RBPMS: variants seen among roughly 807,000 people sequenced by gnomAD.
RBPMS encodes RNA binding protein, mRNA processing factor.
RBPMS carries 7 observed loss-of-function variants against 26.8 expected under a neutral mutation model. The ratio of observed to expected loss-of-function variants is 0.26; its 90% CI spans 0.15 to 0.49. The LOEUF (loss-of-function observed/expected upper bound fraction) is 0.49, where lower values mean the gene tolerates loss of function less well. RBPMS is among the 20% of genes least tolerant of loss of function. The pLI is 0.98. For synonymous variants in RBPMS, 96 were observed against 93.3 expected (o/e 1.03, Z -0.17); for missense variants, 186 against 250.0 (o/e 0.74, Z 1.73).
intron 1 of RBPMS, among the ~76,000 whole-genome samples, chr8:30,421,987 T>G (rs1182557597): frequency 6.6e-6 from 1 of 151,738 alleles, no homozygotes; most frequent in Non-Finnish European, 1.5e-5. Flanking sequence ...AGCTGGTTGC[T>G]ATGATAGAGA....
Position 30,557,678 on chromosome 8 carries a change from C to G in RBPMS, c.529-1209C>G, listed in dbSNP as rs1191926140. Among the ~76,000 whole-genome samples the G allele has an allele frequency of 3.3e-5, 5 of 152,334 alleles. No homozygotes were observed. The South Asian group carries it at 1.0e-3, about 32-fold the overall frequency. On this transcript the variant is annotated intron_variant, in intron 6 of 8. Coordinates refer to ENST00000397323, the MANE Select transcript of RBPMS (RefSeq NM_001008710.3). ...CGGGAGGGCATCGCCTCACCTGGCC[C>G]CACAGGCCTCACCTTCTCCACTCCC...
intron 4 of RBPMS, among the ~76,000 whole-genome samples, chr8:30,498,033 T>A (rs1334888643): frequency 6.6e-6 from 1 of 150,398 alleles, no homozygotes; most frequent in Non-Finnish European, 1.5e-5. Context: ...TTAGAATCAA[T>A]TGAAGAAGTC....
At chr8:30,475,995 T>C (rs533645794) in intron 2 of RBPMS, among the ~76,000 whole-genome samples, 15 of 152,334 alleles carry the variant, frequency 9.8e-5, no homozygotes, top group African/African-American at 3.6e-4. Context: ...TGCCGGGTTG[T>C]ACTTTTATAA....
Position 30,384,786 on chromosome 8 carries a change from C to A in RBPMS, c.-307C>A, listed in dbSNP as rs1806800987. On this transcript the variant is annotated 5_prime_UTR_variant, in exon 1 of 9. Coordinates refer to ENST00000397323, the MANE Select transcript of RBPMS (RefSeq NM_001008710.3). This position sits in a 1 kb window ranked among gnomAD's most constrained non-coding sequence, Gnocchi z 5.6. ...CCTTCTTCCTTCCTCCCCTGGCTCC[C>A]GCCCTCCCTCTCCAGGTCGCCCTCC... 7.2e-6 allele frequency: 2 copies of A among 278,108 alleles called. No individual in the cohort carries two copies. Among genetic ancestry groups the A allele is most frequent in the African/African-American group, 2.2e-5 (1 of 44,698 alleles). 17.2% of individuals were successfully genotyped at this position (278,108 alleles called of 1,614,324 possible). A position where few individuals can be genotyped will look rare whatever the true frequency, so the allele number is the denominator to read the frequency against.
chr8:30,389,348 G>T (rs766280167), intron 1 of RBPMS, among the ~76,000 whole-genome samples: 2 of 152,164 alleles, frequency 1.3e-5, no homozygotes, highest in African/African-American at 2.4e-5. Context: ...ATTCCCAGTG[G>T]CATTAGTTTT....
At chr8:30,517,675 A>G (rs566855532) in intron 5 of RBPMS, among the ~76,000 whole-genome samples, 111 of 152,316 alleles carry the variant, frequency 7.3e-4, no homozygotes, top group African/African-American at 2.5e-3. Flanking sequence ...GTGTTTACAC[A>G]TAGTAGAGGA....
intron 4 of RBPMS, among the ~76,000 whole-genome samples, chr8:30,497,660 AG>A (rs1236762826): frequency 6.6e-6 from 1 of 151,948 alleles, no homozygotes; most frequent in Non-Finnish European, 1.5e-5. Context: ...TCTGTCGCCC[AG>A]GCTGGAGTGC....
intron 1 of RBPMS, among the ~76,000 whole-genome samples, chr8:30,437,557 G>A (rs1370256032): frequency 3.9e-5 from 6 of 152,014 alleles, no homozygotes; most frequent in Non-Finnish European, 7.4e-5. Context: ...TCGGGAGGCC[G>A]AGGCAGGTGG....
chr8:30,436,817 T>C (rs1812499972), intron 1 of RBPMS, among the ~76,000 whole-genome samples: 1 of 152,226 alleles, frequency 6.6e-6, no homozygotes, highest in Non-Finnish European at 1.5e-5. Flanking sequence ...TTGGATTTTG[T>C]TCTAAAAGAG....
chr8:30,517,237 T>TGTGA (rs1345600650), intron 5 of RBPMS, among the ~76,000 whole-genome samples: 22 of 136,980 alleles, frequency 1.6e-4, no homozygotes, highest in South Asian at 7.4e-4. Context: ...TGTGTGTGTG[T>TGTGA]GAAATACCAT....
intron 4 of RBPMS, among the ~76,000 whole-genome samples, chr8:30,494,164 G>A (rs1819686782): frequency 1.3e-5 from 2 of 152,208 alleles, no homozygotes; most frequent in Admixed American, 1.3e-4. Context: ...ACACACGTCA[G>A]CTCCCTGTGG....
chr8:30,483,000 G>T (rs543704927), intron 4 of RBPMS, among the ~76,000 whole-genome samples: 1 of 152,208 alleles, frequency 6.6e-6, no homozygotes, highest in African/African-American at 2.4e-5. Flanking sequence ...AGCAGCGCAT[G>T]TTGAAGGGTA....
At position 30,447,780 on chromosome 8, in the gene RBPMS, G is replaced by A. The variant is rs146198243; in HGVS notation, c.67-26999G>A. Among the ~76,000 whole-genome samples, 1,321 of 151,720 alleles carry A rather than the reference G, an allele frequency of 8.7e-3. 23 individuals carry two copies. Among genetic ancestry groups the A allele is most frequent in the African/African-American group, 0.029 (1,209 of 41,366 alleles). ...TATCTGCATCTTTTTTTTTAACTTA[G>A]CAATGAATCTTAGACTTTATATCAG... On this transcript the variant is annotated intron_variant, in intron 1 of 8. Coordinates refer to ENST00000397323, the MANE Select transcript of RBPMS (RefSeq NM_001008710.3).
chr8:30,472,416 A>G (rs925959781), intron 1 of RBPMS, among the ~76,000 whole-genome samples: 2 of 152,232 alleles, frequency 1.3e-5, no homozygotes, highest in African/African-American at 4.8e-5. Context: ...ATGGTGGGAC[A>G]GAGTGGGAGG....
chr8:30,571,645 A>G lies in RBPMS; in HGVS notation c.*1120A>G, dbSNP rs1359744175. On this transcript the variant is annotated 3_prime_UTR_variant, in exon 9 of 9. Transcript: ENST00000397323. ...TGGGCCAAACCGACCACATACCATG[A>G]GCTCCCAAATGGCGTGTGCTCACTG... The G allele has an allele frequency of 6.6e-6, 1 of 152,250 alleles. No individual in the cohort carries two copies. The highest frequency in any genetic ancestry group is 1.5e-5 in the Non-Finnish European group (1 of 68,054). 9.4% of individuals were successfully genotyped at this position (152,250 alleles called of 1,614,324 possible).
At chr8:30,486,412 C>G (rs1818787294) in intron 4 of RBPMS, among the ~76,000 whole-genome samples, 1 of 150,816 alleles carries the variant, frequency 6.6e-6, no homozygotes, top group Non-Finnish European at 1.5e-5. Flanking sequence ...TATCCAGTGC[C>G]CCTACTTTTT....
chr8:30,389,585 T>C (rs1474750547), intron 1 of RBPMS, among the ~76,000 whole-genome samples: 2 of 152,224 alleles, frequency 1.3e-5, no homozygotes, highest in Non-Finnish European at 2.9e-5. Context: ...TTAGTACCTT[T>C]ATTTTTAGAA....
intron 6 of RBPMS, among the ~76,000 whole-genome samples, chr8:30,557,022 AC>A (rs1179116622): frequency 6.6e-6 from 1 of 151,990 alleles, no homozygotes; most frequent in Non-Finnish European, 1.5e-5. Context: ...GTTGGGAGTG[AC>A]CCCAGCCCTG....
intron 1 of RBPMS, among the ~76,000 whole-genome samples, chr8:30,424,206 C>G (rs1303515595): frequency 6.6e-6 from 1 of 152,170 alleles, no homozygotes; most frequent in Non-Finnish European, 1.5e-5. Context: ...ACATCCTGGT[C>G]TCCTAACCTG....
Sources: allele counts gnomAD v4.1 joint callset (sites outside exome capture counted in the v4.1 genomes callset), GRCh38; gene constraint gnomAD v4.1.1; non-coding constraint Gnocchi (gnomAD v3.1); transcripts MANE v1.5; gene names NCBI Gene and HGNC (gene_info 2026-07-23, HGNC 2026-07-21).